Variants in CACNB4 observed in about 807,000 individuals in gnomAD.
The protein encoded by CACNB4 is calcium voltage-gated channel auxiliary subunit beta 4.
In CACNB4, 32 loss-of-function variants were observed where a neutral mutation model predicts 71.2. The observed-to-expected ratio is 0.45, with a 90% CI of 0.34 to 0.60. The LOEUF (loss-of-function observed/expected upper bound fraction) is 0.60. Among genes scored for constraint, CACNB4 ranks in the 20% least tolerant of loss-of-function variants. The pLI, the probability that CACNB4 is intolerant of heterozygous loss-of-function variation, is 0.01. For missense variants in CACNB4, 464 were observed against 647.9 expected (o/e 0.72, Z 3.08); for synonymous variants, 231 against 236.9 (o/e 0.97, Z 0.23).
Position 151,835,844 on chromosome 2 carries a change from T to G in CACNB4, c.*3275A>C, listed in dbSNP as rs2151306996. ...CGACAATAATAATTAAATAGCAGATTATTTAAAGGAAACAAATAATTGTCT... is the reference window on the plus strand; with the variant it reads ...CGACAATAATAATTAAATAGCAGATGATTTAAAGGAAACAAATAATTGTCT... On this transcript the variant is annotated 3_prime_UTR_variant, in exon 14 of 14. Transcript: ENST00000539935. 1 of 151,998 alleles carries G rather than the reference T, an allele frequency of 6.6e-6. No individual in the cohort carries two copies. Among genetic ancestry groups the G allele is most frequent in the Non-Finnish European group, 1.5e-5 (1 of 67,748 alleles). 9.4% of individuals were successfully genotyped at this position (151,998 alleles called of 1,614,324 possible). A position where few individuals can be genotyped will look rare whatever the true frequency, so the allele number is the denominator to read the frequency against.
chr2:151,945,277 A>G lies in CACNB4; in HGVS notation c.148-61907T>C, dbSNP rs1305713681. 2.0e-5 allele frequency among the ~76,000 whole-genome samples: 3 copies of G among 152,268 alleles called. No homozygotes were observed. In the South Asian group the frequency reaches 6.2e-4, roughly 32 times the overall value. On this transcript the variant is annotated intron_variant, in intron 2 of 13. Transcript: ENST00000539935. Reference sequence around the variant, plus strand: ...TTGCACAGCAGCCTTACACACAGGTAGAACAGGCAGACTCCTGCCAACTTT... The same window carrying G: ...TTGCACAGCAGCCTTACACACAGGTGGAACAGGCAGACTCCTGCCAACTTT...
At chr2:151,910,770 T>G (rs909691701) in intron 2 of CACNB4, among the ~76,000 whole-genome samples, 1 of 152,218 alleles carries the variant, frequency 6.6e-6, no homozygotes, top group Non-Finnish European at 1.5e-5. Flanking sequence ...AAGATTGTCT[T>G]GGCTATATGG....
chr2:151,979,459 TAA>T (rs754510100), intron 2 of CACNB4, among the ~76,000 whole-genome samples: 22 of 137,062 alleles, frequency 1.6e-4, no homozygotes, highest in Non-Finnish European at 2.1e-4. Flanking sequence ...AAATTTCAGT[TAA>T]AAAAAAAAAA....
intron 4 of CACNB4, among the ~76,000 whole-genome samples, chr2:151,878,744 A>G (rs1250521233): frequency 6.6e-6 from 1 of 152,118 alleles, no homozygotes; most frequent in East Asian, 1.9e-4. Flanking sequence ...AGTGCACTAT[A>G]CTAGACTACA....
chr2:152,098,906 AAGGAAGAGG>A lies in CACNB4; in HGVS notation c.63+34_63+42del. On this transcript the variant is annotated intron_variant, in intron 1 of 13. Transcript: ENST00000539935. This position sits in a 1 kb window ranked among gnomAD's most constrained non-coding sequence, Gnocchi z 5.3. ...CTAGGGCGGCGGAGGAGGTGTGAGG[AAGGAAGAGG>A]AGGAAGAGGAGAAGGGGGAGGAGGG... 9.0e-6 allele frequency: 11 copies of A among 1,225,634 alleles called. No individual in the cohort carries two copies. The highest frequency in any genetic ancestry group is 1.1e-5 in the Non-Finnish European group (10 of 915,828). The allele number at this position is 1,225,634 out of a possible 1,614,324, so 75.9% of individuals were successfully genotyped here. A position where few individuals can be genotyped will look rare whatever the true frequency, so the allele number is the denominator to read the frequency against.
intron 10 of CACNB4, chr2:151,857,437 C>A (rs1437394467): frequency 2.0e-5 from 3 of 152,228 alleles, no homozygotes; most frequent in Non-Finnish European, 4.4e-5. Context: ...CTTCTGAAAT[C>A]ATATTCTACA....
intron 2 of CACNB4, among the ~76,000 whole-genome samples, chr2:151,976,036 G>A (rs1415573812): frequency 1.3e-5 from 2 of 152,208 alleles, no homozygotes; most frequent in Non-Finnish European, 2.9e-5. Flanking sequence ...GGGCCTAAAG[G>A]AAGTTTTAAA....
Position 152,050,630 on chromosome 2 carries a change from C to T in CACNB4, c.147+47700G>A, listed in dbSNP as rs975843765. ...CTTTGGGAAGCTGAGGTAGGAGGAT[C>T]ACTTAACCCCTGAAGCTTGAGGCTG... is the stretch of plus-strand genomic sequence containing the variant. On this transcript the variant is annotated intron_variant, in intron 2 of 13. Transcript: ENST00000539935. Among the ~76,000 whole-genome samples, 8 of 152,254 alleles carry T rather than the reference C, an allele frequency of 5.3e-5. No individual in the cohort carries two copies. In the Middle Eastern group the frequency reaches 0.014, roughly 259 times the overall value.
chr2:152,016,893 A>C (rs992652913), intron 2 of CACNB4, among the ~76,000 whole-genome samples: 1 of 152,242 alleles, frequency 6.6e-6, no homozygotes, highest in Admixed American at 6.5e-5. Flanking sequence ...CAGCCCTATG[A>C]ATCAGGCTTT....
chr2:151,943,178 C>T (rs572246739), intron 2 of CACNB4, among the ~76,000 whole-genome samples: 28 of 152,298 alleles, frequency 1.8e-4, no homozygotes, highest in South Asian at 6.2e-4. Context: ...TCACCTCCGG[C>T]GGCCCAGCTG....
chr2:151,956,045 T>C (rs1367771323), intron 2 of CACNB4, among the ~76,000 whole-genome samples: 1 of 152,240 alleles, frequency 6.6e-6, no homozygotes, highest in Non-Finnish European at 1.5e-5. Context: ...AGACTGAGCA[T>C]TGCTTACTCG....
At chr2:152,005,315 T>C (rs1682660674) in intron 2 of CACNB4, among the ~76,000 whole-genome samples, 1 of 152,178 alleles carries the variant, frequency 6.6e-6, no homozygotes, top group Admixed American at 6.5e-5. Context: ...ACGTGGGACA[T>C]ATACATCAGG....
intron 2 of CACNB4, among the ~76,000 whole-genome samples, chr2:151,957,257 C>CGT (rs1553791572): frequency 0.066 from 8,660 of 131,640 alleles, 452 homozygotes; most frequent in African/African-American, 0.14. Context: ...AGTGGCTGGG[C>CGT]GTGTGTGTGT....
intron 3 of CACNB4, 118 bp downstream of exon 3, chr2:151,883,133 G>A: frequency 2.8e-6 from 3 of 1,054,538 alleles, no homozygotes; most frequent in South Asian, 1.4e-5. Flanking sequence ...TCCCAATCTG[G>A]AGCCTTGTTA....
chr2:151,936,150 G>A (rs563397195), intron 2 of CACNB4: 2 of 152,358 alleles, frequency 1.3e-5, no homozygotes, highest in Non-Finnish European at 2.9e-5. Flanking sequence ...TTTCTGTGCT[G>A]TTTGAAACAG....
At chr2:152,043,541 A>C (rs1684983343) in intron 2 of CACNB4, among the ~76,000 whole-genome samples, 1 of 152,100 alleles carries the variant, frequency 6.6e-6, no homozygotes, top group Non-Finnish European at 1.5e-5. Flanking sequence ...GCTGGTCTCA[A>C]ACTCCTGGTC....
intron 2 of CACNB4, among the ~76,000 whole-genome samples, chr2:151,950,837 G>A (rs183513933): frequency 6.6e-6 from 1 of 152,328 alleles, no homozygotes; most frequent in East Asian, 1.9e-4. Context: ...TGCTTAATGG[G>A]CACAGGGTTT....
At chr2:151,856,496 A>G (rs1232548450) in intron 10 of CACNB4, among the ~76,000 whole-genome samples, 3 of 151,978 alleles carry the variant, frequency 2.0e-5, no homozygotes, top group African/African-American at 7.2e-5. Context: ...TAGAAGCGAG[A>G]TTTAGCCATG....
At chr2:151,927,062 T>C (rs1164433477) in intron 2 of CACNB4, among the ~76,000 whole-genome samples, 1 of 152,140 alleles carries the variant, frequency 6.6e-6, no homozygotes, top group African/African-American at 2.4e-5. Flanking sequence ...TGAGAAGGAG[T>C]CCACGGCTTC....
Sources: gnomAD v4.1 joint callset for allele counts (sites outside exome capture counted in the v4.1 genomes callset) on GRCh38, gnomAD v4.1.1 for gene constraint, Gnocchi (gnomAD v3.1) non-coding constraint, MANE v1.5 for transcripts, NCBI Gene and HGNC (gene_info 2026-07-23, HGNC 2026-07-21) for gene names.